The following ARHGAP24 variants were observed in gnomAD, a reference collection of about 807,000 sequenced individuals.
ARHGAP24 encodes the protein Rho GTPase activating protein 24.
Under a neutral mutation model 76.4 loss-of-function variants are expected in ARHGAP24, and 50 were observed. The observed-to-expected ratio is 0.65, with a 90% CI of 0.52 to 0.83. The LOEUF (loss-of-function observed/expected upper bound fraction) is 0.83. ARHGAP24 is among the 40% of genes least tolerant of loss of function. The pLI, the probability that ARHGAP24 is intolerant of heterozygous loss-of-function variation, is 0.00. For synonymous variants in ARHGAP24, 345 were observed against 323.3 expected (o/e 1.07, Z -0.72); for missense variants, 930 against 914.2 (o/e 1.02, Z -0.22).
Position 86,001,072 on chromosome 4 carries a change from T to C in ARHGAP24, c.*350T>C. ...TTAGCTTGCTTTCAAGCTTCACCCC[T>C]TGCACTTAACATAAGCTATTTTTGG... On this transcript the variant is annotated 3_prime_UTR_variant, in exon 10 of 10. Transcript: ENST00000395184. 1 of 435,844 alleles carries C rather than the reference T, an allele frequency of 2.3e-6. No homozygotes were observed. The highest frequency in any genetic ancestry group is 4.0e-6 in the Non-Finnish European group (1 of 249,040). The allele number at this position is 435,844 out of a possible 1,614,324, so 27.0% of individuals were successfully genotyped here.
At chr4:85,591,441 C>G (rs1202912528) in intron 2 of ARHGAP24, among the ~76,000 whole-genome samples, 3 of 152,152 alleles carry the variant, frequency 2.0e-5, no homozygotes, top group Non-Finnish European at 2.9e-5. Context: ...ATCAGAAACA[C>G]ACATTTCCAT....
intron 3 of ARHGAP24, among the ~76,000 whole-genome samples, chr4:85,920,917 T>C (rs1405024441): frequency 1.3e-5 from 2 of 152,210 alleles, no homozygotes; most frequent in African/African-American, 2.4e-5. Flanking sequence ...GGAACACTTA[T>C]ACACTGTTGG....
chr4:85,593,559 A>G (rs1434768979), intron 2 of ARHGAP24, among the ~76,000 whole-genome samples: 1 of 152,132 alleles, frequency 6.6e-6, no homozygotes, highest in South Asian at 2.1e-4. Flanking sequence ...AGTTTCCCCA[A>G]TACTTCTTTT....
intron 2 of ARHGAP24, among the ~76,000 whole-genome samples, chr4:85,712,340 C>A (rs887134803): frequency 2.0e-5 from 3 of 152,128 alleles, no homozygotes; most frequent in African/African-American, 7.2e-5. Flanking sequence ...CTGTTAGGAC[C>A]ATTTACCAGC....
At chr4:85,814,704 G>C (rs2110116706) in intron 3 of ARHGAP24, among the ~76,000 whole-genome samples, 1 of 152,236 alleles carries the variant, frequency 6.6e-6, no homozygotes, top group Non-Finnish European at 1.5e-5. Context: ...GGCTTTTCCA[G>C]GCAAATGGTG....
intron 1 of ARHGAP24, among the ~76,000 whole-genome samples, chr4:85,516,569 G>A (rs1054641168): frequency 3.3e-5 from 5 of 151,218 alleles, no homozygotes; most frequent in South Asian, 2.1e-4. Context: ...TATGTTTAAG[G>A]GCCAAGAAAT....
At chr4:85,560,894 T>A (rs1726569681) in intron 1 of ARHGAP24, among the ~76,000 whole-genome samples, 13 of 152,188 alleles carry the variant, frequency 8.5e-5, no homozygotes, top group Admixed American at 8.5e-4. Flanking sequence ...CAACGGCAAA[T>A]GTTTTATGAT....
At chr4:85,670,140 G>T (rs1722774629) in intron 2 of ARHGAP24, among the ~76,000 whole-genome samples, 1 of 152,092 alleles carries the variant, frequency 6.6e-6, no homozygotes. Flanking sequence ...CCAATAAACT[G>T]CCAAGCTTGT....
intron 5 of ARHGAP24, among the ~76,000 whole-genome samples, chr4:85,951,048 T>G (rs1737586032): frequency 6.6e-6 from 1 of 152,156 alleles, no homozygotes. Flanking sequence ...AGCAAGTAAA[T>G]GAAATAATTT....
chr4:85,955,221 C>T (rs772172798), intron 5 of ARHGAP24, among the ~76,000 whole-genome samples: 2 of 151,790 alleles, frequency 1.3e-5, no homozygotes, highest in Non-Finnish European at 2.9e-5. Flanking sequence ...CCCATGCTCC[C>T]CCCGCCTACC....
chr4:85,678,223 G>C (rs1433130494), intron 2 of ARHGAP24, among the ~76,000 whole-genome samples: 1 of 151,668 alleles, frequency 6.6e-6, no homozygotes, highest in Non-Finnish European at 1.5e-5. Context: ...AAAAAAATTA[G>C]CATGGCATAG....
At chr4:85,500,992 T>C (rs977559021) in intron 1 of ARHGAP24, among the ~76,000 whole-genome samples, 2 of 152,090 alleles carry the variant, frequency 1.3e-5, no homozygotes, top group South Asian at 2.1e-4. Context: ...GTCTTTGTGA[T>C]AGTTTGCTCA....
At chr4:85,626,296 T>C (rs1720951460) in intron 2 of ARHGAP24, among the ~76,000 whole-genome samples, 1 of 152,202 alleles carries the variant, frequency 6.6e-6, no homozygotes, top group South Asian at 2.1e-4. Flanking sequence ...CATTTGCTTG[T>C]CTGTAAAGGA....
chr4:85,701,158 C>G (rs1724071962), intron 2 of ARHGAP24, among the ~76,000 whole-genome samples: 1 of 152,140 alleles, frequency 6.6e-6, no homozygotes, highest in African/African-American at 2.4e-5. Flanking sequence ...GCTATTATCT[C>G]TCCCTCCATC....
chr4:85,631,017 A>T (rs955804503), intron 2 of ARHGAP24, among the ~76,000 whole-genome samples: 6 of 151,934 alleles, frequency 3.9e-5, no homozygotes, highest in Non-Finnish European at 5.9e-5. Context: ...ATGTGTATAC[A>T]CACACACATT....
chr4:85,498,707 T>C (rs954267351), intron 1 of ARHGAP24, among the ~76,000 whole-genome samples: 1 of 152,214 alleles, frequency 6.6e-6, no homozygotes, highest in African/African-American at 2.4e-5. Context: ...ATCCCAGGAA[T>C]CTAGATTCTA....
intron 3 of ARHGAP24, among the ~76,000 whole-genome samples, chr4:85,881,894 T>C (rs1284773611): frequency 6.6e-6 from 1 of 152,228 alleles, no homozygotes; most frequent in African/African-American, 2.4e-5. Context: ...ATATTATTTA[T>C]AGGGAATAAT....
At chr4:85,699,457 C>G (rs1268936993) in intron 2 of ARHGAP24, among the ~76,000 whole-genome samples, 3 of 152,006 alleles carry the variant, frequency 2.0e-5, no homozygotes, top group African/African-American at 7.2e-5. Context: ...AAAAAGTTAG[C>G]CAGATGTGGT....
At chr4:85,567,696 A>G (rs544263415) in intron 1 of ARHGAP24, among the ~76,000 whole-genome samples, 35 of 152,228 alleles carry the variant, frequency 2.3e-4, no homozygotes, top group Non-Finnish European at 4.1e-4. Context: ...CAGAGATGAT[A>G]GATTTCAGAG....
Sources: allele counts gnomAD v4.1 joint callset (sites outside exome capture counted in the v4.1 genomes callset), GRCh38; gene constraint gnomAD v4.1.1; transcripts MANE v1.5; gene names NCBI Gene and HGNC (gene_info 2026-07-23, HGNC 2026-07-21).